L3HYPDH: variants seen among roughly 807,000 people sequenced by gnomAD.
L3HYPDH encodes the protein trans-3-hydroxy-L-proline dehydratase.
A neutral mutation model predicts 26.5 loss-of-function variants in L3HYPDH; 32 were observed. The observed-to-expected ratio is 1.21, with a 90% CI of 0.91 to 1.62. The LOEUF (loss-of-function observed/expected upper bound fraction) is 1.62. Among genes scored for constraint, L3HYPDH ranks in the 40% most tolerant of loss-of-function variants. The pLI is 0.00. For synonymous variants in L3HYPDH, 215 were observed against 196.6 expected, an observed-to-expected ratio of 1.09 and a Z score of -0.78; for missense variants, 554 against 476.4, an observed-to-expected ratio of 1.16 and a Z score of -1.52.
At chr14:59,494,299 C>A in the L3HYPDH span, among the ~76,000 whole-genome samples, 25 of 152,238 alleles carry the variant, frequency 1.6e-4, no homozygotes, top group Middle Eastern at 0.01. Context: ...TACACATTTG[C>A]AACACATTTA....
chr14:59,489,415 A>G, the L3HYPDH span, among the ~76,000 whole-genome samples: 2 of 152,218 alleles, frequency 1.3e-5, no homozygotes, highest in African/African-American at 4.8e-5. Context: ...GACCTTTACT[A>G]CAGTTCCTGA....
rs375845125 is a variant in L3HYPDH, at chr14:59,465,884, G to A, written n.31-4711C>T. Among the ~76,000 whole-genome samples, 20 of 152,318 alleles carry A rather than the reference G, an allele frequency of 1.3e-4. 2 individuals are homozygous for A. Among genetic ancestry groups the A allele is most frequent in the Admixed American group, 8.5e-4 (13 of 15,314 alleles). On this transcript the variant is annotated intron_variant and non_coding_transcript_variant, in intron 1 of 2. Coordinates refer to the L3HYPDH transcript ENST00000466522. ...CAAGTGACGAGGTCTGAACCCCAGC[G>A]TTTCGAATATGTCTGGGGAAGTACC...
rs746976261 is a variant in L3HYPDH, at chr14:59,484,129, C to T, written c.188G>A (p.Arg63Gln). 11 of 1,602,484 alleles carry T rather than the reference C, an allele frequency of 6.9e-6. No individual in the cohort carries two copies. The Admixed American group carries it at 8.4e-5, about 12-fold the overall frequency. The change falls in exon 1 of 5, where the codon CGA becomes CAA. Residue 63 changes from arginine (R) to glutamine (Q), a missense_variant. Arg to Gln is a conservative substitution (Grantham distance 43, BLOSUM62 1). Transcript: ENST00000247194. Reference protein sequence around the residue: ...YMRQHLDHVRRRLMFEPRGHR... With the variant: ...YMRQHLDHVRQRLMFEPRGHR... Reference sequence around the variant, plus strand: ...CCCTCGGGGCTCGAACATGAGCCGTCGCCGCACGTGGTCAAGGTGCTGGCG... The same window carrying T: ...CCCTCGGGGCTCGAACATGAGCCGTTGCCGCACGTGGTCAAGGTGCTGGCG...
At chr14:59,468,995 G>A (rs1889253692), downstream of L3HYPDH, among the ~76,000 whole-genome samples, 1 of 152,184 alleles carries the variant, frequency 6.6e-6, no homozygotes, top group Non-Finnish European at 1.5e-5. Flanking sequence ...GACAGGGGAA[G>A]TTCCATTTAC....
chr14:59,481,771 T>A (rs1890041337), intron 1 of L3HYPDH, among the ~76,000 whole-genome samples: 1 of 152,134 alleles, frequency 6.6e-6, no homozygotes, highest in South Asian at 2.1e-4. Flanking sequence ...CTACAAAAAA[T>A]TTTAAGGATG....
In L3HYPDH at chr14:59,484,116, G is replaced by T. The variant is rs1470765644; in HGVS notation, c.201C>A (p.Phe67Leu). ...ACATGTCCCGGTGCCCTCGGGGCTC[G>T]AACATGAGCCGTCGCCGCACGTGGT... ...HLDHVRRRLM[F>L]EPRGHRDMYG... Residue 67 changes from phenylalanine to leucine, a missense_variant, in exon 1 of 5, where the codon TTC (phenylalanine) becomes TTA (leucine). Transcript: ENST00000247194. The T allele has an allele frequency of 1.2e-6, 2 of 1,603,742 alleles. No homozygotes were observed. Among genetic ancestry groups the T allele is most frequent in the Non-Finnish European group, 8.5e-7 (1 of 1,179,084 alleles).
chr14:59,480,785 T>C lies in L3HYPDH; in HGVS notation c.509-1434A>G, dbSNP rs866066823. Among the ~76,000 whole-genome samples, 2 of 152,244 alleles carry C rather than the reference T, an allele frequency of 1.3e-5. 1 individual carries two copies. The highest frequency in any genetic ancestry group is 4.1e-4 in the South Asian group (2 of 4,820). On this transcript the variant is annotated intron_variant, in intron 1 of 4. Transcript: ENST00000247194. ...ATGCTGTGGATTGTAACAACAAAAC[T>C]GAATAAAAAATGTCTTTATCTTGAT...
At chr14:59,488,071 TCAACTATAATC>T (rs1201498989), upstream of L3HYPDH, among the ~76,000 whole-genome samples, 1 of 152,176 alleles carries the variant, frequency 6.6e-6, no homozygotes, top group Non-Finnish European at 1.5e-5. Flanking sequence ...CTTTTACTTC[TCAACTATAATC>T]CTTATTGGTT....
the L3HYPDH span, chr14:59,501,194 A>G: frequency 6.3e-7 from 1 of 1,579,144 alleles, no homozygotes; most frequent in South Asian, 1.1e-5. Context: ...CTTTCAGATT[A>G]CGCCTTCCCA....
At chr14:59,475,775 A>G in intron 4 of L3HYPDH, 94 bp downstream of exon 4, 1 of 1,239,562 alleles carries the variant, frequency 8.1e-7, no homozygotes, top group Non-Finnish European at 1.1e-6. Context: ...CTCTTCTGAG[A>G]GCTGAGTGAA....
chr14:59,502,832 A>G, the L3HYPDH span, among the ~76,000 whole-genome samples: 1 of 133,844 alleles, frequency 7.5e-6, no homozygotes, highest in Non-Finnish European at 1.5e-5. Context: ...GCTCACTGCA[A>G]CTTCCACCTC....
the L3HYPDH span, chr14:59,499,014 CCTTTTTT>C: frequency 4.3e-6 from 1 of 232,410 alleles, no homozygotes. Context: ...TTTGTTTAAT[CCTTTTTT>C]TTTTTTTTTT....
At chr14:59,482,551 A>C (rs1890096959) in intron 1 of L3HYPDH, among the ~76,000 whole-genome samples, 1 of 152,190 alleles carries the variant, frequency 6.6e-6, no homozygotes, top group African/African-American at 2.4e-5. Context: ...CACGCTAGTT[A>C]AACTGTTGAG....
chr14:59,483,411 G>A (rs1890202639), intron 1 of L3HYPDH: 1 of 675,242 alleles, frequency 1.5e-6, no homozygotes, highest in South Asian at 4.4e-5. Context: ...GTGATTCTGT[G>A]TCTACCAAGC....
the L3HYPDH span, among the ~76,000 whole-genome samples, chr14:59,497,366 G>A: frequency 6.6e-6 from 1 of 152,168 alleles, no homozygotes; most frequent in Non-Finnish European, 1.5e-5. Context: ...TGAAAGAGGG[G>A]AAGAGTGGAA....
chr14:59,469,731 C>A (rs1889268247), downstream of L3HYPDH, among the ~76,000 whole-genome samples: 1 of 152,022 alleles, frequency 6.6e-6, no homozygotes, highest in Non-Finnish European at 1.5e-5. Flanking sequence ...GATGGTGGTG[C>A]CATTAATCAA....
chr14:59,495,291 A>G, the L3HYPDH span: 1 of 1,291,228 alleles, frequency 7.7e-7, no homozygotes, highest in Non-Finnish European at 1.1e-6. Context: ...TATAGATTTT[A>G]TGGCGTTTGG....
At chr14:59,492,071 A>G in the L3HYPDH span, among the ~76,000 whole-genome samples, 1 of 152,178 alleles carries the variant, frequency 6.6e-6, no homozygotes, top group African/African-American at 2.4e-5. Flanking sequence ...AACAAACAAT[A>G]TATTTATGCT....
Position 59,484,359 on chromosome 14 carries a change from T to C in L3HYPDH, c.-43A>G, listed in dbSNP as rs538966664. On this transcript the variant is annotated 5_prime_UTR_variant, in exon 1 of 5. Transcript: ENST00000247194. ...ACGAGTACGGTCCCGCAGCTATGGC[T>C]TCAAGCCCGACCCTCACCCACTGAC... 1 of 1,538,002 alleles carries C rather than the reference T, an allele frequency of 6.5e-7. No homozygotes were observed. The highest frequency in any genetic ancestry group is 8.7e-7 in the Non-Finnish European group (1 of 1,144,582).
Sources: allele counts gnomAD v4.1 joint callset (sites outside exome capture counted in the v4.1 genomes callset), GRCh38; gene constraint gnomAD v4.1.1; transcripts MANE v1.5; gene names NCBI Gene and HGNC (gene_info 2026-07-23, HGNC 2026-07-21).